The following SUCLG2 variants were observed in gnomAD, a reference collection of about 807,000 sequenced individuals.
SUCLG2 encodes the protein succinate-CoA ligase GDP-forming subunit beta, also known as succinate--CoA ligase [GDP-forming] subunit beta, mitochondrial.
Under a neutral mutation model 47.9 loss-of-function variants are expected in SUCLG2, and 42 were observed. That is an observed-to-expected ratio of 0.88 (90% CI 0.69 to 1.14). The LOEUF is 1.14. Ranked by LOEUF, SUCLG2 falls within the 50% of genes most tolerant of loss-of-function variation. The pLI, the probability that SUCLG2 is intolerant of heterozygous loss-of-function variation, is 0.00. For missense variants in SUCLG2, 571 were observed against 525.9 expected, an observed-to-expected ratio of 1.09 and a Z score of -0.84; for synonymous variants, 195 against 197.3, an observed-to-expected ratio of 0.99 and a Z score of 0.10.
At chr3:67,563,266 G>T (rs1011403519) in intron 2 of SUCLG2, among the ~76,000 whole-genome samples, 5 of 152,086 alleles carry the variant, frequency 3.3e-5, no homozygotes, top group African/African-American at 1.2e-4. Flanking sequence ...TAACTGCTGT[G>T]AACAGTGAAA....
chr3:67,475,221 A>G (rs1243731333), intron 9 of SUCLG2, among the ~76,000 whole-genome samples: 3 of 152,216 alleles, frequency 2.0e-5, no homozygotes, highest in Non-Finnish European at 2.9e-5. Flanking sequence ...GCCTATTAGC[A>G]AAACAGAAAG....
chr3:67,474,978 C>T (rs924015577), intron 9 of SUCLG2, among the ~76,000 whole-genome samples: 1 of 146,672 alleles, frequency 6.8e-6, no homozygotes, highest in Non-Finnish European at 1.5e-5. Context: ...TGTCCAGCTC[C>T]AACCCTTATT....
At chr3:67,426,352 A>G (rs1225597593) in intron 9 of SUCLG2, among the ~76,000 whole-genome samples, 2 of 152,214 alleles carry the variant, frequency 1.3e-5, no homozygotes, top group East Asian at 1.9e-4. Flanking sequence ...GGTGAAAAAG[A>G]AAGCTCTGAT....
At chr3:67,578,023 C>T (rs7622020) in intron 2 of SUCLG2, among the ~76,000 whole-genome samples, 2 of 151,504 alleles carry the variant, frequency 1.3e-5, no homozygotes, top group Admixed American at 6.6e-5. Flanking sequence ...GGGGGGAAGA[C>T]CAGGGGTTTA....
chr3:67,541,377 C>T (rs1386339032), intron 2 of SUCLG2, among the ~76,000 whole-genome samples: 3 of 151,958 alleles, frequency 2.0e-5, no homozygotes, highest in Admixed American at 6.6e-5. Context: ...CCTAATGGAG[C>T]TGAAGGATAC....
intron 10 of SUCLG2, among the ~76,000 whole-genome samples, chr3:67,365,997 A>G (rs1309069264): frequency 6.6e-6 from 1 of 152,208 alleles, no homozygotes; most frequent in Non-Finnish European, 1.5e-5. Context: ...GTTGGCTTTA[A>G]AATTTGTAAC....
chr3:67,422,901 C>T (rs189604517), intron 9 of SUCLG2, among the ~76,000 whole-genome samples: 56 of 152,212 alleles, frequency 3.7e-4, no homozygotes, highest in African/African-American at 1.3e-3. Flanking sequence ...GGACACCCAT[C>T]ACATTAGGTG....
At chr3:67,414,693 G>A (rs1703000682) in intron 9 of SUCLG2, among the ~76,000 whole-genome samples, 1 of 152,150 alleles carries the variant, frequency 6.6e-6, no homozygotes, top group South Asian at 2.1e-4. Flanking sequence ...GTATCTGAGA[G>A]CAGCATCTGT....
chr3:67,577,230 C>T (rs560115361), intron 2 of SUCLG2, among the ~76,000 whole-genome samples: 1 of 152,176 alleles, frequency 6.6e-6, no homozygotes, highest in Admixed American at 6.5e-5. Context: ...AAAGCTTGAA[C>T]CCAGGAGTTG....
At chr3:67,492,118 A>C (rs1253915077) in intron 9 of SUCLG2, among the ~76,000 whole-genome samples, 1 of 152,214 alleles carries the variant, frequency 6.6e-6, no homozygotes, top group Non-Finnish European at 1.5e-5. Flanking sequence ...GTTGGATCTA[A>C]ACCAGGAAGT....
At chr3:67,447,629 T>C (rs938322311) in intron 9 of SUCLG2, among the ~76,000 whole-genome samples, 26 of 152,230 alleles carry the variant, frequency 1.7e-4, no homozygotes, top group African/African-American at 6.3e-4. Context: ...ATTGGGTAAT[T>C]AATGAACTAT....
chr3:67,393,093 C>T (rs12639289), intron 10 of SUCLG2, among the ~76,000 whole-genome samples: 5,500 of 152,282 alleles, frequency 0.036, 188 homozygotes, highest in South Asian at 0.16. Context: ...GCGTGAGCGA[C>T]GCAGAAGACG....
chr3:67,581,551 T>C (rs991129721), intron 2 of SUCLG2, among the ~76,000 whole-genome samples: 1 of 152,244 alleles, frequency 6.6e-6, no homozygotes, highest in African/African-American at 2.4e-5. Flanking sequence ...CTGAGCACTT[T>C]CCTGTTGCAA....
intron 6 of SUCLG2, among the ~76,000 whole-genome samples, chr3:67,510,737 A>C (rs1705764806): frequency 6.6e-6 from 1 of 152,294 alleles, no homozygotes; most frequent in Middle Eastern, 3.4e-3. Context: ...GACCAACTGC[A>C]TTGTTTCTAA....
At chr3:67,525,429 A>G (rs1406930769) in intron 4 of SUCLG2, among the ~76,000 whole-genome samples, 2 of 152,238 alleles carry the variant, frequency 1.3e-5, no homozygotes, top group African/African-American at 2.4e-5. Context: ...GACAGCCACA[A>G]AGATCAATGG....
intron 2 of SUCLG2, among the ~76,000 whole-genome samples, chr3:67,597,256 C>G (rs1278301357): frequency 6.6e-6 from 1 of 152,208 alleles, no homozygotes; most frequent in Non-Finnish European, 1.5e-5. Flanking sequence ...CCACCATTGC[C>G]CACAGGGCTG....
At chr3:67,523,052 G>C (rs1455364368) in intron 4 of SUCLG2, among the ~76,000 whole-genome samples, 6 of 152,074 alleles carry the variant, frequency 3.9e-5, no homozygotes, top group Non-Finnish European at 8.8e-5. Flanking sequence ...CCTCCAAAGT[G>C]CTCGGATTAC....
At chr3:67,608,943 C>G (rs1700477736) in intron 2 of SUCLG2, among the ~76,000 whole-genome samples, 1 of 152,156 alleles carries the variant, frequency 6.6e-6, no homozygotes, top group Non-Finnish European at 1.5e-5. Context: ...TCTCAAAGTA[C>G]TGAGATTATA....
At chr3:67,623,195 A>C (rs1700764460) in intron 1 of SUCLG2, among the ~76,000 whole-genome samples, 1 of 152,134 alleles carries the variant, frequency 6.6e-6, no homozygotes, top group African/African-American at 2.4e-5. Context: ...CTCCATGCAA[A>C]GTGTTCATTT....
Sources: allele counts gnomAD v4.1 joint callset (sites outside exome capture counted in the v4.1 genomes callset), GRCh38; gene constraint gnomAD v4.1.1; transcripts MANE v1.5; gene names NCBI Gene and HGNC (gene_info 2026-07-23, HGNC 2026-07-21).